IGF2R: variants seen among roughly 807,000 people sequenced by gnomAD.
The protein encoded by IGF2R is cation-independent mannose-6-phosphate receptor.
Under a neutral mutation model 270.6 loss-of-function variants are expected in IGF2R, and 91 were observed. The ratio of observed to expected loss-of-function variants is 0.34; its 90% CI spans 0.28 to 0.40. The LOEUF (loss-of-function observed/expected upper bound fraction) is 0.40, where lower values mean the gene tolerates loss of function less well. IGF2R is among the 10% of genes least tolerant of loss of function. The pLI is 1.00. For missense variants in IGF2R, 2,805 were observed against 3,188.3 expected, an observed-to-expected ratio of 0.88 and a Z score of 2.90; for synonymous variants, 1,316 against 1,258.9, an observed-to-expected ratio of 1.05 and a Z score of -0.96.
rs547985811 is a variant in IGF2R, at chr6:159,987,788, T to C, written c.150-3396T>C. On this transcript the variant is annotated intron_variant, in intron 1 of 47. Coordinates refer to ENST00000356956, the MANE Select transcript of IGF2R (RefSeq NM_000876.4). The stretch of plus-strand genomic sequence containing the variant: ...GTCTTTGGAGTGAAGTTTAGAAACC[T>C]GCTGTGACCATTCTTCATTTTAAAG... Among the ~76,000 whole-genome samples the C allele has an allele frequency of 1.1e-3, 167 of 152,356 alleles. 2 individuals are homozygous for C. Among genetic ancestry groups the C allele is most frequent in the African/African-American group, 3.8e-3 (160 of 41,576 alleles).
chr6:160,097,388 TG>T (rs1779387380), intron 45 of IGF2R, among the ~76,000 whole-genome samples: 1 of 152,238 alleles, frequency 6.6e-6, no homozygotes, highest in Admixed American at 6.5e-5. Context: ...TGGAGTGCAG[TG>T]GTGCGGTCTT....
intron 26 of IGF2R, among the ~76,000 whole-genome samples, chr6:160,063,043 T>C (rs1236873083): frequency 6.7e-6 from 1 of 149,708 alleles, no homozygotes; most frequent in Non-Finnish European, 1.5e-5. Context: ...GTAAAAGTTT[T>C]TTTTTTTTTT....
At chr6:160,044,432 CT>C (rs374255645) in intron 12 of IGF2R, 81 bp from the exon 13 acceptor site, 10,273 of 1,024,660 alleles carry the variant, frequency 0.01, 166 homozygotes, top group African/African-American at 0.075. Flanking sequence ...CTCTTTCTTT[CT>C]TTTTTTTTTA....
intron 42 of IGF2R, 116 bp from the exon 43 acceptor site, chr6:160,088,991 C>A: frequency 9.5e-7 from 1 of 1,053,790 alleles, no homozygotes; most frequent in Non-Finnish European, 1.3e-6. Context: ...AGTCTCGCAG[C>A]ACCTTGACTG....
At chr6:159,991,618 C>T (rs1055859415) in intron 2 of IGF2R, among the ~76,000 whole-genome samples, 1 of 152,110 alleles carries the variant, frequency 6.6e-6, no homozygotes, top group Non-Finnish European at 1.5e-5. Flanking sequence ...GATGGCTCTC[C>T]CTTCTCACCC....
chr6:160,011,409 T>C (rs1784331040), intron 4 of IGF2R, among the ~76,000 whole-genome samples: 1 of 152,116 alleles, frequency 6.6e-6, no homozygotes, highest in Non-Finnish European at 1.5e-5. Flanking sequence ...AAGACATTCT[T>C]CTTGGGTGCA....
chr6:160,025,641 G>C (rs1475247754), intron 5 of IGF2R, among the ~76,000 whole-genome samples: 35 of 152,028 alleles, frequency 2.3e-4, no homozygotes, highest in Admixed American at 2.3e-3. Flanking sequence ...ACCCCATTCA[G>C]GGCTCACCAA....
At chr6:160,053,241 TG>T (rs1380482627) in intron 19 of IGF2R, among the ~76,000 whole-genome samples, 1 of 151,536 alleles carries the variant, frequency 6.6e-6, no homozygotes, top group Middle Eastern at 3.4e-3. Flanking sequence ...GGACACACGG[TG>T]GGGAACATCA....
chr6:160,089,145 A>C lies in IGF2R; in HGVS notation c.6359A>C (p.Asp2120Ala), dbSNP rs376138460. 1.9e-6 allele frequency: 3 copies of C among 1,613,942 alleles called. No homozygotes were observed. The highest frequency in any genetic ancestry group is 1.7e-4 in the Middle Eastern group (1 of 6,056). ...AGCTGCACTTACTACTTCAGCTGGG[A>C]CTCCCGGGCTGCCTGCGCCGTGAAG... ...IDSCTYYFSWDSRAACAVKPQ... is the reference protein window; with the variant it reads ...IDSCTYYFSWASRAACAVKPQ... Residue 2120 changes from aspartate (D) to alanine (A), a missense_variant, in exon 43 of 48, where the codon GAC becomes GCC. Asp to Ala is a moderately radical substitution (Grantham distance 126, BLOSUM62 -2). Coordinates refer to ENST00000356956, the MANE Select transcript of IGF2R (RefSeq NM_000876.4).
chr6:160,009,625 A>AT (rs1784302857), intron 3 of IGF2R, among the ~76,000 whole-genome samples: 1 of 152,162 alleles, frequency 6.6e-6, no homozygotes. Context: ...AGGGGACATA[A>AT]TTGTGTAAAT....
rs1456882786 is a variant in IGF2R at position 160,107,426 on chromosome 6, T to G, written c.*2342T>G. 6.6e-6 allele frequency: 1 copy of G among 152,244 alleles called. No homozygotes were observed. The highest frequency in any genetic ancestry group is 1.5e-5 in the Non-Finnish European group (1 of 68,042). 9.4% of individuals were successfully genotyped at this position (152,244 alleles called of 1,614,324 possible). A position where few individuals can be genotyped will look rare whatever the true frequency, so the allele number is the denominator to read the frequency against. The stretch of plus-strand genomic sequence containing the variant: ...CACGTTTGAGTGCATTTGCTTTGAC[T>G]CTTAGAAACCCAAGCCTCTGAAAAA... On this transcript the variant is annotated 3_prime_UTR_variant, in exon 48 of 48. Coordinates refer to ENST00000356956, the MANE Select transcript of IGF2R (RefSeq NM_000876.4).
intron 4 of IGF2R, among the ~76,000 whole-genome samples, chr6:160,016,442 C>T (rs1030245363): frequency 2.6e-5 from 4 of 152,220 alleles, no homozygotes; most frequent in African/African-American, 9.6e-5. Flanking sequence ...CTTAGGTGTC[C>T]CATGGCCCCA....
chr6:159,999,591 G>A (rs915135706), intron 2 of IGF2R, among the ~76,000 whole-genome samples: 6 of 152,158 alleles, frequency 3.9e-5, no homozygotes, highest in African/African-American at 1.2e-4. Context: ...TTTTGATCTT[G>A]TTAGAAAGGA....
chr6:160,018,542 C>T (rs145323860), intron 4 of IGF2R, among the ~76,000 whole-genome samples: 20 of 152,176 alleles, frequency 1.3e-4, no homozygotes, highest in Non-Finnish European at 2.8e-4. Context: ...GTGCATGGAA[C>T]GTTTTTCGAG....
rs777138744 is a variant in IGF2R at position 160,063,569 on chromosome 6, G to A, written c.3825G>A (p.Lys1275=). The change falls in exon 27 of 48, where the codon AAG becomes AAA. Residue 1275 remains lysine (K), a synonymous_variant. Coordinates refer to ENST00000356956, the MANE Select transcript of IGF2R (RefSeq NM_000876.4). Reference sequence around the variant, plus strand: ...CAGACGTCTGCCCCACAAGTGACAAGTCCAAGGTGGTCTCCTCATGTCAGG... The same window carrying A: ...CAGACGTCTGCCCCACAAGTGACAAATCCAAGGTGGTCTCCTCATGTCAGG... The part of the protein sequence containing the change: ...LSSDVCPTSD[K]SKVVSSCQEK... The A allele has an allele frequency of 1.2e-6, 2 of 1,614,258 alleles. No individual in the cohort carries two copies. The highest frequency in any genetic ancestry group is 2.2e-5 in the East Asian group (1 of 44,888).
Position 159,969,253 on chromosome 6 carries a change from G to A in IGF2R, c.7G>A (p.Ala3Thr). MG[A>T]AAGRSPHLGP... is the part of the protein sequence containing the mutation. The stretch of plus-strand genomic sequence containing the variant: ...GCAGTCCGGGCCCGGCGCGATGGGG[G>A]CCGCCGCCGGCCGGAGCCCCCACCT... Residue 3 changes from alanine (A) to threonine (T), a missense_variant, in exon 1 of 48, where the codon GCC becomes ACC. By Grantham distance (58) the Ala-to-Thr change is moderately conservative. Transcript: ENST00000356956. The A allele has an allele frequency of 9.5e-7, 1 of 1,052,472 alleles. No homozygotes were observed. The highest frequency in any genetic ancestry group is 4.3e-5 in the South Asian group (1 of 23,100). The allele number at this position is 1,052,472 out of a possible 1,614,324, so 65.2% of individuals were successfully genotyped here.
rs553902916 is a variant in IGF2R, at chr6:160,000,539, A to G, written c.290-8471A>G. Among the ~76,000 whole-genome samples the G allele has an allele frequency of 9.2e-5, 14 of 152,244 alleles. No homozygotes were observed. In the South Asian group the frequency reaches 1.9e-3, roughly 20 times the overall value. ...TGGCGAGACAGAGCTAAGCCGCATC[A>G]CCAGGTATAAATGCAAATCAGAGCA... On this transcript the variant is annotated intron_variant, in intron 2 of 47. Coordinates refer to ENST00000356956, the MANE Select transcript of IGF2R (RefSeq NM_000876.4).
At chr6:160,097,445 T>C (rs1779388892) in intron 45 of IGF2R, among the ~76,000 whole-genome samples, 1 of 152,224 alleles carries the variant, frequency 6.6e-6, no homozygotes, top group Admixed American at 6.5e-5. Context: ...TTCTCCTGCC[T>C]CAGCCTCCCA....
intron 19 of IGF2R, among the ~76,000 whole-genome samples, chr6:160,051,128 G>GA (rs1562358087): frequency 6.6e-6 from 1 of 152,170 alleles, no homozygotes. Context: ...AATAGCAGGA[G>GA]AAAGATGACC....
Sources: gnomAD v4.1 joint callset for allele counts (sites outside exome capture counted in the v4.1 genomes callset) on GRCh38, gnomAD v4.1.1 for gene constraint, MANE v1.5 for transcripts, NCBI Gene and HGNC (gene_info 2026-07-23, HGNC 2026-07-21) for gene names.